Variants in CRTAC1 observed in about 807,000 individuals in gnomAD.
The protein encoded by CRTAC1 is acidic secreted protein in cartilage.
A neutral mutation model predicts 67.8 loss-of-function variants in CRTAC1; 37 were observed. The ratio of observed to expected loss-of-function variants is 0.55; its 90% confidence interval spans 0.42 to 0.72. The LOEUF is 0.72. Ranked by LOEUF, CRTAC1 falls within the 30% of genes least tolerant of loss-of-function variation. The pLI is 0.00. For synonymous variants in CRTAC1, 348 were observed against 371.0 expected (o/e 0.94, Z 0.71); for missense variants, 780 against 931.6 (o/e 0.84, Z 2.12).
chr10:97,912,445 G>C (rs893883207), intron 5 of CRTAC1, among the ~76,000 whole-genome samples: 1 of 152,156 alleles, frequency 6.6e-6, no homozygotes, highest in African/African-American at 2.4e-5. Flanking sequence ...CTGATGATCT[G>C]TTCATTGGGC....
chr10:97,931,256 AGTGGCC>A (rs2050999709), intron 3 of CRTAC1, among the ~76,000 whole-genome samples: 1 of 152,234 alleles, frequency 6.6e-6, no homozygotes, highest in Non-Finnish European at 1.5e-5. Flanking sequence ...CTTCCTGAGC[AGTGGCC>A]CTAGGAAGGA....
chr10:97,995,431 C>G (rs535023271), intron 2 of CRTAC1, among the ~76,000 whole-genome samples: 1 of 152,282 alleles, frequency 6.6e-6, no homozygotes, highest in East Asian at 1.9e-4. Context: ...CTCTTAAATC[C>G]TACTTCCTTT....
intron 2 of CRTAC1, among the ~76,000 whole-genome samples, chr10:97,983,789 C>T (rs1015959662): frequency 1.3e-5 from 2 of 152,136 alleles, no homozygotes; most frequent in Non-Finnish European, 2.9e-5. Flanking sequence ...TATCAAGATG[C>T]GGGTGAAGTA....
intron 8 of CRTAC1, among the ~76,000 whole-genome samples, chr10:97,900,229 C>G (rs2050513514): frequency 6.6e-6 from 1 of 152,190 alleles, no homozygotes; most frequent in South Asian, 2.1e-4. Context: ...TTTCTGAAAC[C>G]CTTTTCCTTG....
At position 98,030,601 on chromosome 10, in the gene CRTAC1, C is replaced by G; in HGVS notation, c.-129G>C. The G allele has an allele frequency of 2.0e-6, 1 of 512,550 alleles. No individual in the cohort carries two copies. 31.8% of individuals were successfully genotyped at this position (512,550 alleles called of 1,614,324 possible). A position where few individuals can be genotyped will look rare whatever the true frequency, so the allele number is the denominator to read the frequency against. On this transcript the variant is annotated 5_prime_UTR_variant, in exon 1 of 15. Coordinates refer to ENST00000370597, the MANE Select transcript of CRTAC1 (RefSeq NM_018058.7). This position sits in a 1 kb window ranked among gnomAD's most constrained non-coding sequence, Gnocchi z 4.2. ...GCTGGCCTCGAGCCTCCCGCCCCGA[C>G]GCCGCGCGCTCGCTTTATACAACTC...
intron 2 of CRTAC1, among the ~76,000 whole-genome samples, chr10:97,964,750 C>T (rs757857886): frequency 6.6e-6 from 1 of 152,222 alleles, no homozygotes; most frequent in Non-Finnish European, 1.5e-5. Flanking sequence ...GCACCTCTAA[C>T]TTCTTTCTCG....
chr10:98,021,871 T>G (rs943703775), intron 1 of CRTAC1, among the ~76,000 whole-genome samples: 1 of 152,172 alleles, frequency 6.6e-6, no homozygotes, highest in African/African-American at 2.4e-5. Flanking sequence ...GTTCTTTGAC[T>G]CCTTAAATAC....
At chr10:98,018,071 C>T (rs894864115) in intron 1 of CRTAC1, among the ~76,000 whole-genome samples, 17 of 151,318 alleles carry the variant, frequency 1.1e-4, no homozygotes, top group African/African-American at 3.9e-4. Context: ...TGGTAAGGGG[C>T]ACCGCCTGTA....
intron 14 of CRTAC1, chr10:97,879,847 A>T: frequency 1.6e-6 from 1 of 630,622 alleles, no homozygotes. Context: ...GAAAAAGAGA[A>T]AGGGGGTGGG....
At position 98,011,176 on chromosome 10, in the gene CRTAC1, A is replaced by G. The variant is rs772530688; in HGVS notation, c.186T>C (p.Asp62=). 1 of 1,614,208 alleles carries G rather than the reference A, an allele frequency of 6.2e-7. No homozygotes were observed. Among genetic ancestry groups the G allele is most frequent in the South Asian group, 1.1e-5 (1 of 91,084 alleles). Residue 62 remains aspartate, a synonymous_variant, in exon 2 of 15, where the codon GAT becomes GAC. Coordinates refer to ENST00000370597, the MANE Select transcript of CRTAC1 (RefSeq NM_018058.7). ...TCTCAAAGTCCCCATCATGGTCCAC[A>G]TCAGTAACTGCCACACCATAGTTGA... ...TQLNYGVAVT[D]VDHDGDFEIV... is the part of the protein sequence containing the mutation.
intron 2 of CRTAC1, among the ~76,000 whole-genome samples, chr10:97,950,040 A>G (rs1045464922): frequency 3.3e-5 from 5 of 152,148 alleles, no homozygotes; most frequent in Non-Finnish European, 5.9e-5. Context: ...GAAGACTGTG[A>G]GCTCCATGGA....
intron 11 of CRTAC1, among the ~76,000 whole-genome samples, chr10:97,887,879 G>T (rs1190264462): frequency 6.6e-6 from 1 of 152,254 alleles, no homozygotes; most frequent in Non-Finnish European, 1.5e-5. Context: ...GGGCTTTCAG[G>T]TGTTGGTAAC....
intron 2 of CRTAC1, among the ~76,000 whole-genome samples, chr10:97,961,424 C>T (rs2051523729): frequency 6.6e-6 from 1 of 152,184 alleles, no homozygotes; most frequent in African/African-American, 2.4e-5. Flanking sequence ...TTATCCTATT[C>T]TGTCTACTTT....
chr10:97,990,739 C>G (rs574900483), intron 2 of CRTAC1, among the ~76,000 whole-genome samples: 4 of 152,150 alleles, frequency 2.6e-5, no homozygotes, highest in African/African-American at 9.7e-5. Context: ...CAGCAAGGTG[C>G]CTTGCACATG....
At chr10:98,011,416 C>T in intron 1 of CRTAC1, 79 bp from the exon 2 acceptor site, 3 of 1,553,254 alleles carry the variant, frequency 1.9e-6, no homozygotes, top group Non-Finnish European at 1.8e-6. Flanking sequence ...CTGGGTAGGC[C>T]CAGAGTGCCT....
At chr10:97,997,547 C>G (rs1459644635) in intron 2 of CRTAC1, among the ~76,000 whole-genome samples, 1 of 151,252 alleles carries the variant, frequency 6.6e-6, no homozygotes, top group Non-Finnish European at 1.5e-5. Flanking sequence ...AGCAAGCCAC[C>G]AGAAGTTAGT....
chr10:97,947,704 G>A (rs1023950297), intron 2 of CRTAC1, among the ~76,000 whole-genome samples: 2 of 152,196 alleles, frequency 1.3e-5, no homozygotes, highest in African/African-American at 4.8e-5. Context: ...ACAGAAGCAT[G>A]GTCTTGGTGT....
intron 3 of CRTAC1, among the ~76,000 whole-genome samples, chr10:97,930,304 G>A (rs1483071164): frequency 6.6e-6 from 1 of 152,210 alleles, no homozygotes; most frequent in African/African-American, 2.4e-5. Flanking sequence ...ATGGCCTCTG[G>A]GGCCCCATAT....
At chr10:97,989,775 T>C (rs986210201) in intron 2 of CRTAC1, among the ~76,000 whole-genome samples, 1 of 152,264 alleles carries the variant, frequency 6.6e-6, no homozygotes, top group African/African-American at 2.4e-5. Context: ...TCAGAGAGGC[T>C]AGGTAACTCG....
Sources: allele counts gnomAD v4.1 joint callset (sites outside exome capture counted in the v4.1 genomes callset), GRCh38; gene constraint gnomAD v4.1.1; non-coding constraint Gnocchi (gnomAD v3.1); transcripts MANE v1.5; gene names NCBI Gene and HGNC (gene_info 2026-07-23, HGNC 2026-07-21).